The following BANK1 variants were observed in gnomAD, a reference collection of about 807,000 sequenced individuals.
BANK1 encodes the protein B cell scaffold protein with ankyrin repeats 1, also known as B-cell scaffold protein with ankyrin repeats.
BANK1 carries 95 observed loss-of-function variants against 94.5 expected under a neutral mutation model. The ratio of observed to expected loss-of-function variants is 1.00; its 90% CI spans 0.85 to 1.19. The LOEUF (loss-of-function observed/expected upper bound fraction) is 1.19. BANK1 is among the 50% of genes most tolerant of loss of function. The probability of loss-of-function intolerance (pLI) is 0.00; values close to 1 mark genes in which losing one functional copy is unlikely to be tolerated. For missense variants in BANK1, 987 were observed against 932.2 expected, an observed-to-expected ratio of 1.06 and a Z score of -0.77; for synonymous variants, 334 against 308.4, an observed-to-expected ratio of 1.08 and a Z score of -0.87.
chr4:101,922,046 G>A (rs981004809), intron 7 of BANK1, among the ~76,000 whole-genome samples: 3 of 151,302 alleles, frequency 2.0e-5, no homozygotes, highest in African/African-American at 7.3e-5. Flanking sequence ...GTGTGTGTGT[G>A]TGTGTGTGTG....
At chr4:101,829,536 TTTA>T (rs1200244491) in intron 1 of BANK1, among the ~76,000 whole-genome samples, 17 of 152,144 alleles carry the variant, frequency 1.1e-4, no homozygotes, top group Admixed American at 9.8e-4. Flanking sequence ...TTCTAATTTA[TTTA>T]TTATCTGGGT....
chr4:101,802,638 G>C (rs772154578), intron 1 of BANK1, among the ~76,000 whole-genome samples: 1 of 152,154 alleles, frequency 6.6e-6, no homozygotes, highest in African/African-American at 2.4e-5. Context: ...CTGATCTGTT[G>C]CAGAAATGAT....
intron 10 of BANK1, among the ~76,000 whole-genome samples, chr4:102,041,661 G>T (rs560299541): frequency 7.9e-5 from 12 of 151,930 alleles, no homozygotes; most frequent in African/African-American, 2.9e-4. Context: ...TTAAAGAGTC[G>T]TATTATCAGC....
intron 7 of BANK1, among the ~76,000 whole-genome samples, chr4:102,009,962 G>A (rs1275372466): frequency 3.3e-5 from 5 of 152,130 alleles, no homozygotes; most frequent in Non-Finnish European, 7.4e-5. Context: ...TTTTGAATAA[G>A]TAAGTTAAAA....
intron 7 of BANK1, among the ~76,000 whole-genome samples, chr4:101,964,484 T>G (rs1035334257): frequency 1.3e-5 from 2 of 152,068 alleles, no homozygotes; most frequent in Non-Finnish European, 2.9e-5. Context: ...GGAAAAAAAG[T>G]GTTCATTTTA....
chr4:102,043,860 G>A lies in BANK1; in HGVS notation c.1922G>A (p.Arg641Lys), dbSNP rs750069678. 6.2e-7 allele frequency: 1 copy of A among 1,603,688 alleles called. No homozygotes were observed. The highest frequency in any genetic ancestry group is 8.5e-7 in the Non-Finnish European group (1 of 1,171,958). Reference protein sequence around the residue: ...IAQVFQQKTARRQSDDDKFCG... With the variant: ...IAQVFQQKTAKRQSDDDKFCG... ...ACAGTGTTTCAACAAAAGACAGCCA[G>A]AAGACAATCTGATGATGACAAGTTC... Residue 641 changes from arginine (R) to lysine (K), a missense_variant, in exon 11 of 17, where the codon AGA (arginine) becomes AAA (lysine). By Grantham distance (26) the Arg-to-Lys change is conservative. Coordinates refer to ENST00000322953, the MANE Select transcript of BANK1 (RefSeq NM_017935.5).
At chr4:101,978,087 C>A (rs1022338950) in intron 7 of BANK1, among the ~76,000 whole-genome samples, 3 of 151,486 alleles carry the variant, frequency 2.0e-5, no homozygotes, top group African/African-American at 7.3e-5. Context: ...CCTTAGCCTC[C>A]CGTGTAGCTG....
intron 7 of BANK1, among the ~76,000 whole-genome samples, chr4:101,947,512 A>G (rs1308010592): frequency 6.6e-6 from 1 of 151,386 alleles, no homozygotes; most frequent in Non-Finnish European, 1.5e-5. Context: ...AAGTAGAAAC[A>G]TAGAAGCTTG....
At chr4:102,018,990 G>T (rs1286798988) in intron 7 of BANK1, among the ~76,000 whole-genome samples, 1 of 151,530 alleles carries the variant, frequency 6.6e-6, no homozygotes, top group Non-Finnish European at 1.5e-5. Context: ...ACTAATTTTT[G>T]TATTTTTAGT....
chr4:101,944,609 A>G (rs922075986), intron 7 of BANK1, among the ~76,000 whole-genome samples: 3 of 151,990 alleles, frequency 2.0e-5, no homozygotes, highest in Admixed American at 6.6e-5. Context: ...ATCAGTGGGA[A>G]CAAGAGTGAC....
At chr4:102,007,138 A>ATATATTATATATATATATATATATAAATT (rs1560682246) in intron 7 of BANK1, among the ~76,000 whole-genome samples, 2 of 31,284 alleles carry the variant, frequency 6.4e-5, no homozygotes, top group Non-Finnish European at 1.4e-4. Context: ...ATATATAAAA[A>ATATATTATATATATATATATATATAAATT]ATATATTTTA....
chr4:101,959,315 T>A (rs1007958234), intron 7 of BANK1, among the ~76,000 whole-genome samples: 21 of 151,956 alleles, frequency 1.4e-4, no homozygotes, highest in Middle Eastern at 3.2e-3. Flanking sequence ...AATTTTTGTA[T>A]TTTTAGTAGA....
intron 2 of BANK1, among the ~76,000 whole-genome samples, chr4:101,848,597 G>C (rs1466039499): frequency 1.3e-5 from 2 of 152,142 alleles, no homozygotes; most frequent in Admixed American, 1.3e-4. Context: ...ATGCACTTGA[G>C]ATATAAGAGA....
At chr4:101,998,610 C>T (rs569533426) in intron 7 of BANK1, among the ~76,000 whole-genome samples, 1 of 152,128 alleles carries the variant, frequency 6.6e-6, no homozygotes, top group African/African-American at 2.4e-5. Flanking sequence ...GTAGTGGGTG[C>T]ATGTATATTT....
chr4:101,998,835 G>A (rs971508694), intron 7 of BANK1, among the ~76,000 whole-genome samples: 2 of 151,976 alleles, frequency 1.3e-5, no homozygotes, highest in African/African-American at 2.4e-5. Context: ...ATATTTTATA[G>A]TATTGGCCCT....
chr4:101,903,990 A>C (rs971082490), intron 6 of BANK1, among the ~76,000 whole-genome samples: 4 of 152,222 alleles, frequency 2.6e-5, no homozygotes, highest in African/African-American at 9.6e-5. Flanking sequence ...ATAATGTAAC[A>C]CTGTGAAAAT....
chr4:101,904,240 CA>C (rs1472916344), intron 6 of BANK1, among the ~76,000 whole-genome samples: 1 of 152,154 alleles, frequency 6.6e-6, no homozygotes, highest in Admixed American at 6.5e-5. Flanking sequence ...CAGGAGAAGG[CA>C]ATCTTGGCTG....
intron 7 of BANK1, among the ~76,000 whole-genome samples, chr4:101,935,178 C>A (rs1007035858): frequency 6.6e-6 from 1 of 151,394 alleles, no homozygotes; most frequent in Non-Finnish European, 1.5e-5. Context: ...AATTAACAAT[C>A]TTTTTATAGT....
chr4:102,007,068 T>A (rs866703789), intron 7 of BANK1, among the ~76,000 whole-genome samples: 55 of 99,058 alleles, frequency 5.6e-4, no homozygotes, highest in Middle Eastern at 4.8e-3. Context: ...ATATATAATT[T>A]TATATATATA....
Sources: gnomAD v4.1 joint callset for allele counts (sites outside exome capture counted in the v4.1 genomes callset) on GRCh38, gnomAD v4.1.1 for gene constraint, MANE v1.5 for transcripts, NCBI Gene and HGNC (gene_info 2026-07-23, HGNC 2026-07-21) for gene names.